The following SH3BGRL variants were observed in gnomAD, a reference collection of about 807,000 sequenced individuals.
The protein encoded by SH3BGRL is SH3 domain binding glutamate rich protein like.
In SH3BGRL, 7 loss-of-function variants were observed where a neutral mutation model predicts 9.8. The observed-to-expected ratio is 0.72, with a 90% CI of 0.41 to 1.35. The LOEUF is 1.35. Ranked by LOEUF, SH3BGRL falls within the 40% of genes most tolerant of loss-of-function variation. SH3BGRL has a pLI of 0.01. For synonymous variants in SH3BGRL, 36 were observed against 29.1 expected, an observed-to-expected ratio of 1.24 and a Z score of -0.76; for missense variants, 73 against 84.4, an observed-to-expected ratio of 0.86 and a Z score of 0.53.
intron 3 of SH3BGRL, among the ~76,000 whole-genome samples, chrX:81,279,728 G>A (rs2075809934): frequency 9.0e-6 from 1 of 110,943 alleles, no homozygotes; most frequent in Non-Finnish European, 1.9e-5. Context: ...GCACCATAGG[G>A]ATCCATCGGG....
At chrX:81,280,489 C>T (rs1055482874) in intron 3 of SH3BGRL, among the ~76,000 whole-genome samples, 2 of 111,781 alleles carry the variant, frequency 1.8e-5, no homozygotes, top group African/African-American at 6.5e-5. Flanking sequence ...TGGTTCACAT[C>T]GCAGGACTCT....
intron 1 of SH3BGRL, among the ~76,000 whole-genome samples, chrX:81,224,518 C>G (rs2075610588): frequency 9.0e-6 from 1 of 111,242 alleles, no homozygotes. Context: ...AATGTGACTT[C>G]TTTAAAACAC....
rs532140879 is a variant in SH3BGRL, at chrX:81,297,401, G to T, written c.*174G>T. 2.5e-6 allele frequency: 1 copy of T among 400,636 alleles called. No individual in the cohort carries two copies. Among genetic ancestry groups the T allele is most frequent in the South Asian group, 4.8e-5 (1 of 20,794 alleles). 33.0% of individuals were successfully genotyped at this position (400,636 alleles called of 1,213,427 possible). On this transcript the variant is annotated 3_prime_UTR_variant, in exon 4 of 4. Coordinates refer to ENST00000373212, the MANE Select transcript of SH3BGRL (RefSeq NM_003022.3). ...ACAAAATTAAAATTTGAACATTATGGTGATTATGGTGAGGAGAATGGGATA... is the reference window on the plus strand; with the variant it reads ...ACAAAATTAAAATTTGAACATTATGTTGATTATGGTGAGGAGAATGGGATA...
chrX:81,266,852 T>A (rs768958649), intron 1 of SH3BGRL, among the ~76,000 whole-genome samples: 1 of 112,328 alleles, frequency 8.9e-6, no homozygotes, highest in African/African-American at 3.2e-5. Context: ...GGAATGTTTT[T>A]CGATTTGTTT....
intron 1 of SH3BGRL, among the ~76,000 whole-genome samples, chrX:81,263,450 A>G (rs933363971): frequency 8.9e-6 from 1 of 111,980 alleles, no homozygotes; most frequent in Non-Finnish European, 1.9e-5. Flanking sequence ...CTGTCTTGGC[A>G]TGTACGTTTG....
At chrX:81,247,592 T>G (rs184400348) in intron 1 of SH3BGRL, among the ~76,000 whole-genome samples, 2 of 111,911 alleles carry the variant, frequency 1.8e-5, no homozygotes, top group African/African-American at 6.5e-5. Flanking sequence ...CATTCTGTTT[T>G]TGTTGTGAAT....
chrX:81,225,998 A>C (rs908530483), intron 1 of SH3BGRL, among the ~76,000 whole-genome samples: 1 of 111,155 alleles, frequency 9.0e-6, no homozygotes, highest in Non-Finnish European at 1.9e-5. Flanking sequence ...TCACCATGCT[A>C]TGTACAATAG....
chrX:81,223,797 C>T (rs983889209), intron 1 of SH3BGRL, among the ~76,000 whole-genome samples: 7 of 111,422 alleles, frequency 6.3e-5, no homozygotes, highest in Middle Eastern at 4.3e-3. Flanking sequence ...AACTTCTGGG[C>T]TCAAGCAATC....
chrX:81,253,233 T>C (rs1239279175), intron 1 of SH3BGRL, among the ~76,000 whole-genome samples: 1 of 112,525 alleles, frequency 8.9e-6, no homozygotes, highest in Non-Finnish European at 1.9e-5. Context: ...TCACAATAAT[T>C]GATTTCACAC....
At chrX:81,272,050 A>C (rs1257928027) in intron 1 of SH3BGRL, among the ~76,000 whole-genome samples, 1 of 109,235 alleles carries the variant, frequency 9.2e-6, no homozygotes, top group Non-Finnish European at 1.9e-5. Flanking sequence ...AAAAAAAATT[A>C]GCCAGGCATG....
chrX:81,288,631 A>G (rs941690191), intron 3 of SH3BGRL, among the ~76,000 whole-genome samples: 11 of 112,345 alleles, frequency 9.8e-5, no homozygotes, highest in Non-Finnish European at 7.5e-5. Flanking sequence ...TAGCATTTCT[A>G]TATGTCAACA....
chrX:81,268,396 TC>T (rs2075765252), intron 1 of SH3BGRL, among the ~76,000 whole-genome samples: 1 of 112,150 alleles, frequency 8.9e-6, no homozygotes. Context: ...TTTAAATGTG[TC>T]CCAGAGATTC....
intron 1 of SH3BGRL, among the ~76,000 whole-genome samples, chrX:81,215,538 T>A (rs762561564): frequency 6.5e-4 from 72 of 111,243 alleles, no homozygotes; most frequent in African/African-American, 2.3e-3. Context: ...GGAGAAAGTA[T>A]GGGGATGTCA....
chrX:81,254,377 G>A (rs1447225254), intron 1 of SH3BGRL, among the ~76,000 whole-genome samples: 1 of 111,631 alleles, frequency 9.0e-6, no homozygotes, highest in Non-Finnish European at 1.9e-5. Context: ...TACATTCTTA[G>A]TGCTTTCTGG....
rs1270286079 is a variant in SH3BGRL at position 81,225,215 on chromosome X, G to A, written c.45+22970G>A. On this transcript the variant is annotated intron_variant, in intron 1 of 3. Coordinates refer to ENST00000373212, the MANE Select transcript of SH3BGRL (RefSeq NM_003022.3). Reference sequence around the variant, plus strand: ...TTTTCTTTCAACAAAAATAAAATTTGATAAGATCTTCAGTATTAGGGGAAT... The same window carrying A: ...TTTTCTTTCAACAAAAATAAAATTTAATAAGATCTTCAGTATTAGGGGAAT... Among the ~76,000 whole-genome samples, 6 of 110,894 alleles carry A rather than the reference G, an allele frequency of 5.4e-5. No individual in the cohort carries two copies. The Admixed American group carries it at 5.8e-4, about 11-fold the overall frequency.
chrX:81,204,240 T>C (rs2147662201), intron 1 of SH3BGRL, among the ~76,000 whole-genome samples: 1 of 112,524 alleles, frequency 8.9e-6, no homozygotes, highest in South Asian at 3.6e-4. Context: ...TTCTACTTCA[T>C]AATGCCAAAA....
chrX:81,293,798 T>C (rs2075865747), intron 3 of SH3BGRL, among the ~76,000 whole-genome samples: 2 of 112,199 alleles, frequency 1.8e-5, no homozygotes, highest in African/African-American at 3.2e-5. Context: ...TAGAGACTTA[T>C]TGAATGACTT....
intron 1 of SH3BGRL, among the ~76,000 whole-genome samples, chrX:81,232,060 G>A (rs963943087): frequency 9.1e-5 from 10 of 110,347 alleles, no homozygotes; most frequent in Admixed American, 9.6e-5. Context: ...GTAAAATTGG[G>A]GATAATAATA....
intron 1 of SH3BGRL, among the ~76,000 whole-genome samples, chrX:81,231,886 A>G (rs1275261164): frequency 8.9e-6 from 1 of 112,120 alleles, no homozygotes; most frequent in East Asian, 2.8e-4. Context: ...TAGCATCATT[A>G]CTAGCACGTA....
Sources: allele counts gnomAD v4.1 joint callset (sites outside exome capture counted in the v4.1 genomes callset), GRCh38; gene constraint gnomAD v4.1.1; transcripts MANE v1.5; gene names NCBI Gene and HGNC (gene_info 2026-07-23, HGNC 2026-07-21).